Variants in DLC1 observed in about 807,000 individuals in gnomAD.
The protein encoded by DLC1 is DLC1 Rho GTPase activating protein, also known as rho GTPase-activating protein 7.
DLC1 carries 54 observed loss-of-function variants against 140.3 expected under a neutral mutation model. The ratio of observed to expected loss-of-function variants is 0.38; its 90% confidence interval spans 0.31 to 0.48. DLC1 has a LOEUF of 0.48. Among genes scored for constraint, DLC1 ranks in the 20% least tolerant of loss-of-function variants. The pLI is 0.96. For synonymous variants in DLC1, 986 were observed against 728.1 expected, an observed-to-expected ratio of 1.35 and a Z score of -5.70; for missense variants, 2,536 against 1,907.0, an observed-to-expected ratio of 1.33 and a Z score of -6.14.
At chr8:13,452,205 T>C (rs1799096981) in intron 2 of DLC1, among the ~76,000 whole-genome samples, 1 of 150,924 alleles carries the variant, frequency 6.6e-6, no homozygotes. Context: ...TATTTTATAA[T>C]TATATATATC....
chr8:13,236,829 T>C (rs1417275168), intron 5 of DLC1, among the ~76,000 whole-genome samples: 2 of 152,018 alleles, frequency 1.3e-5, no homozygotes, highest in Non-Finnish European at 2.9e-5. Context: ...TACTTGCCCA[T>C]GAGAAGTGTT....
intron 10 of DLC1, 61 bp from the exon 11 acceptor site, chr8:13,095,306 T>C (rs1381404055): frequency 1.4e-5 from 23 of 1,603,336 alleles, no homozygotes; most frequent in Non-Finnish European, 1.9e-5. Context: ...CTGTCTACAC[T>C]TGTCCAATTC....
intron 5 of DLC1, among the ~76,000 whole-genome samples, chr8:13,255,644 C>T (rs934633820): frequency 2.0e-5 from 3 of 152,184 alleles, no homozygotes; most frequent in Non-Finnish European, 4.4e-5. Context: ...CTTTCACTGT[C>T]TCTGCACCCT....
intron 5 of DLC1, among the ~76,000 whole-genome samples, chr8:13,128,354 C>G (rs62493014): frequency 0.067 from 10,137 of 152,206 alleles, 405 homozygotes; most frequent in Middle Eastern, 0.092. Context: ...AAGACAGAGC[C>G]CCAAGTCTCC....
intron 4 of DLC1, among the ~76,000 whole-genome samples, chr8:13,328,505 G>C (rs1045028731): frequency 2.0e-5 from 3 of 152,206 alleles, no homozygotes; most frequent in Non-Finnish European, 4.4e-5. Flanking sequence ...TGCAGCTGAA[G>C]TGGACTAGGT....
intron 7 of DLC1, among the ~76,000 whole-genome samples, chr8:13,108,174 A>T (rs1819747774): frequency 6.6e-6 from 1 of 152,234 alleles, no homozygotes; most frequent in Non-Finnish European, 1.5e-5. Context: ...TTATGTGGAC[A>T]TGTGGACAAG....
At chr8:13,596,820 A>G (rs1271865127) in intron 1 of DLC1, among the ~76,000 whole-genome samples, 2 of 152,002 alleles carry the variant, frequency 1.3e-5, no homozygotes, top group East Asian at 1.9e-4. Context: ...CTTAGCAAAA[A>G]CACTTGTCAT....
At chr8:13,385,526 C>A (rs191017437) in intron 4 of DLC1, among the ~76,000 whole-genome samples, 1 of 152,198 alleles carries the variant, frequency 6.6e-6, no homozygotes, top group Non-Finnish European at 1.5e-5. Flanking sequence ...CCAAAACAGT[C>A]AAGGATAAAG....
intron 8 of DLC1, 120 bp downstream of exon 8, chr8:13,102,670 T>C: frequency 2.3e-6 from 2 of 872,702 alleles, no homozygotes; most frequent in Non-Finnish European, 3.8e-6. Context: ...ATTCAAGATG[T>C]AGATGCTTAC....
intron 2 of DLC1, among the ~76,000 whole-genome samples, chr8:13,439,184 C>T (rs557017282): frequency 2.6e-5 from 4 of 152,134 alleles, no homozygotes; most frequent in South Asian, 2.1e-4. Context: ...ATTAGTTGGG[C>T]GTGGTGGTGT....
rs1585668676 is a variant in DLC1 at position 13,115,520 on chromosome 8, C to T, written c.1420+66G>A. 2.1e-5 allele frequency: 29 copies of T among 1,377,854 alleles called. No homozygotes were observed. The East Asian group carries it at 6.7e-4, about 32-fold the overall frequency. The allele number at this position is 1,377,854 out of a possible 1,614,324, so 85.4% of individuals were successfully genotyped here. A position where few individuals can be genotyped will look rare whatever the true frequency, so the allele number is the denominator to read the frequency against. ...AAACTGCTGAAAATAAGTCATAGAT[C>T]AGTAATACTCGCGAACAAGGGATTA... On this transcript the variant is annotated intron_variant, in intron 6 of 17. Coordinates refer to ENST00000276297, the MANE Select transcript of DLC1 (RefSeq NM_182643.3).
chr8:13,289,010 A>G (rs998166187), intron 5 of DLC1, among the ~76,000 whole-genome samples: 1 of 152,204 alleles, frequency 6.6e-6, no homozygotes, highest in Admixed American at 6.5e-5. Context: ...AAAATCGCAT[A>G]TTAGGTGCTC....
chr8:13,324,666 C>T lies in DLC1; in HGVS notation c.1315-19364G>A, dbSNP rs566194704. On this transcript the variant is annotated intron_variant, in intron 4 of 17. Coordinates refer to ENST00000276297, the MANE Select transcript of DLC1 (RefSeq NM_182643.3). ...TTCTTTGTGCTAACCTTCATAAGCT[C>T]AGCTTCCAAATTCAATATAAACCAT... is the stretch of plus-strand genomic sequence containing the variant. 6.6e-5 allele frequency among the ~76,000 whole-genome samples: 10 copies of T among 151,830 alleles called. No individual in the cohort carries two copies. In the South Asian group the frequency reaches 2.1e-3, roughly 32 times the overall value.
chr8:13,454,143 G>C (rs561578540), intron 2 of DLC1, among the ~76,000 whole-genome samples: 2 of 152,070 alleles, frequency 1.3e-5, no homozygotes, highest in Non-Finnish European at 2.9e-5. Context: ...AATTTGGCTT[G>C]TTCATGTAGT....
intron 2 of DLC1, among the ~76,000 whole-genome samples, chr8:13,459,875 A>G (rs1389299898): frequency 6.6e-6 from 1 of 152,224 alleles, no homozygotes; most frequent in Non-Finnish European, 1.5e-5. Context: ...TCTTTTTATA[A>G]TTTTATGAGT....
intron 5 of DLC1, among the ~76,000 whole-genome samples, chr8:13,240,366 C>T (rs1000403184): frequency 3.3e-5 from 5 of 152,174 alleles, no homozygotes; most frequent in African/African-American, 4.8e-5. Context: ...TCCTCAAGAT[C>T]TTTTTAACTT....
intron 4 of DLC1, among the ~76,000 whole-genome samples, chr8:13,320,698 A>T (rs1833066587): frequency 1.3e-5 from 2 of 152,180 alleles, no homozygotes; most frequent in Admixed American, 6.5e-5. Context: ...TGGTTCTATT[A>T]GTTCCTGTGA....
intron 5 of DLC1, among the ~76,000 whole-genome samples, chr8:13,119,941 T>A (rs1585682537): frequency 6.6e-6 from 1 of 150,892 alleles, no homozygotes; most frequent in South Asian, 2.1e-4. Flanking sequence ...TATAAAAAAA[T>A]TTTTAAAAAT....
At chr8:13,481,348 G>A (rs759539783) in intron 2 of DLC1, among the ~76,000 whole-genome samples, 3 of 152,158 alleles carry the variant, frequency 2.0e-5, no homozygotes, top group African/African-American at 4.8e-5. Flanking sequence ...AATCACCTGA[G>A]TCTGGGAAGT....
Sources: gnomAD v4.1 joint callset for allele counts (sites outside exome capture counted in the v4.1 genomes callset) on GRCh38, gnomAD v4.1.1 for gene constraint, MANE v1.5 for transcripts, NCBI Gene and HGNC (gene_info 2026-07-23, HGNC 2026-07-21) for gene names.